The following TCF7L1 variants were observed in gnomAD, a reference collection of about 807,000 sequenced individuals.
TCF7L1 encodes transcription factor 7 like 1.
In TCF7L1, 18 loss-of-function variants were observed where a neutral mutation model predicts 63.7. That is an observed-to-expected ratio of 0.28 (90% CI 0.20 to 0.42). The LOEUF (loss-of-function observed/expected upper bound fraction) is 0.42, where lower values mean the gene tolerates loss of function less well. Among genes scored for constraint, TCF7L1 ranks in the 10% least tolerant of loss-of-function variants. The probability of loss-of-function intolerance (pLI) is 1.00; values close to 1 mark genes in which losing one functional copy is unlikely to be tolerated. For synonymous variants in TCF7L1, 355 were observed against 340.9 expected (o/e 1.04, Z -0.46); for missense variants, 654 against 779.3 (o/e 0.84, Z 1.91).
intron 3 of TCF7L1, among the ~76,000 whole-genome samples, chr2:85,162,233 C>T (rs1032232672): frequency 1.3e-5 from 2 of 151,908 alleles, no homozygotes; most frequent in Non-Finnish European, 2.9e-5. Context: ...AGACCCTTCT[C>T]TCTCAAAAAA....
Position 85,134,600 on chromosome 2 carries a change from A to T in TCF7L1, c.441+150A>T. ...GAGTTGAACTACTCTCTGGCGGCCG[A>T]GCGCGAGGCTGCGCTGGCCAGTGCC... On this transcript the variant is annotated intron_variant, in intron 3 of 11. Transcript: ENST00000282111. The surrounding 1 kb of genome is among the most constrained non-coding windows in gnomAD (Gnocchi z 5.0). 9.8e-7 allele frequency: 1 copy of T among 1,020,558 alleles called. No individual in the cohort carries two copies. The highest frequency in any genetic ancestry group is 1.4e-6 in the Non-Finnish European group (1 of 732,622). The allele number at this position is 1,020,558 out of a possible 1,614,324, so 63.2% of individuals were successfully genotyped here.
intron 3 of TCF7L1, among the ~76,000 whole-genome samples, chr2:85,146,493 C>G (rs1363383018): frequency 2.9e-4 from 37 of 129,188 alleles, no homozygotes; most frequent in Non-Finnish European, 5.1e-4. Flanking sequence ...TCTTTTCTTT[C>G]TTTCTTTTTT....
At chr2:85,269,426 A>T (rs565465103) in intron 3 of TCF7L1, among the ~76,000 whole-genome samples, 33 of 152,360 alleles carry the variant, frequency 2.2e-4, no homozygotes, top group Non-Finnish European at 3.1e-4. Flanking sequence ...ATACACATAC[A>T]TAAAAAATAC....
chr2:85,239,788 C>CA (rs1292434543), intron 3 of TCF7L1, among the ~76,000 whole-genome samples: 2 of 151,548 alleles, frequency 1.3e-5, no homozygotes, highest in Middle Eastern at 3.2e-3. Context: ...ACTAAAAATA[C>CA]AAAAAATTTA....
intron 4 of TCF7L1, among the ~76,000 whole-genome samples, chr2:85,297,344 C>G (rs1681855408): frequency 6.6e-6 from 1 of 152,174 alleles, no homozygotes; most frequent in Non-Finnish European, 1.5e-5. Flanking sequence ...ACACCACTTT[C>G]AGGAGCTCAG....
At chr2:85,283,696 T>A in intron 4 of TCF7L1, 118 bp downstream of exon 4, 1 of 1,089,366 alleles carries the variant, frequency 9.2e-7, no homozygotes, top group Non-Finnish European at 1.4e-6. Flanking sequence ...CTCAAATGTG[T>A]GAGTACAGTG....
intron 4 of TCF7L1, among the ~76,000 whole-genome samples, chr2:85,298,090 T>C (rs1272046021): frequency 1.4e-5 from 2 of 145,242 alleles, no homozygotes; most frequent in African/African-American, 5.2e-5. Context: ...CCCGAGTAGC[T>C]GGGATTATAG....
chr2:85,182,964 G>T (rs547146826), intron 3 of TCF7L1, among the ~76,000 whole-genome samples: 1 of 152,282 alleles, frequency 6.6e-6, no homozygotes, highest in African/African-American at 2.4e-5. Context: ...GGTCCAGGGA[G>T]CGCACTGAGA....
intron 4 of TCF7L1, among the ~76,000 whole-genome samples, chr2:85,288,248 C>A (rs569358944): frequency 6.6e-5 from 10 of 152,254 alleles, no homozygotes; most frequent in African/African-American, 2.4e-4. Flanking sequence ...TCTAATCCCC[C>A]AAGGATATGA....
At chr2:85,168,420 G>A (rs184340201) in intron 3 of TCF7L1, among the ~76,000 whole-genome samples, 2,350 of 152,244 alleles carry the variant, frequency 0.015, 68 homozygotes, top group African/African-American at 0.05. Flanking sequence ...AGTGAAGATG[G>A]AGAAGGAGGG....
chr2:85,133,753 C>T lies in TCF7L1; in HGVS notation c.69C>T (p.Ala23=). 2 of 1,237,056 alleles carry T rather than the reference C, an allele frequency of 1.6e-6. No individual in the cohort carries two copies. Among genetic ancestry groups the T allele is most frequent in the Non-Finnish European group, 2.0e-6 (2 of 990,370 alleles). The allele number at this position is 1,237,056 out of a possible 1,614,324, so 76.6% of individuals were successfully genotyped here. A position where few individuals can be genotyped will look rare whatever the true frequency, so the allele number is the denominator to read the frequency against. The change falls in exon 1 of 12, where the codon GCC becomes GCT. Residue 23 remains alanine (A), a synonymous_variant. Coordinates refer to ENST00000282111, the MANE Select transcript of TCF7L1 (RefSeq NM_031283.3). This position sits in a 1 kb window ranked among gnomAD's most constrained non-coding sequence, Gnocchi z 4.4. The stretch of plus-strand genomic sequence containing the variant: ...GCGGGGGAGGCGGCGGCTCCAGCGC[C>T]GGGGCGGCCGGCGGAGGGGACGACC... The part of the protein sequence containing the change: ...GGSGGGGGSS[A]GAAGGGDDLG...
chr2:85,226,755 C>T (rs968002120), intron 3 of TCF7L1, among the ~76,000 whole-genome samples: 2 of 152,080 alleles, frequency 1.3e-5, no homozygotes, highest in African/African-American at 4.8e-5. Context: ...GTTTTCCAGC[C>T]TGGATCACTG....
intron 3 of TCF7L1, among the ~76,000 whole-genome samples, chr2:85,142,503 C>CA (rs1677768680): frequency 6.7e-6 from 1 of 149,356 alleles, no homozygotes; most frequent in Admixed American, 6.7e-5. Flanking sequence ...TATATACACA[C>CA]ACACACAACA....
chr2:85,259,579 G>A (rs76273648), intron 3 of TCF7L1, among the ~76,000 whole-genome samples: 2,059 of 152,308 alleles, frequency 0.014, 20 homozygotes, highest in Non-Finnish European at 0.02. Flanking sequence ...GTTTACTATT[G>A]AAGATTGTGT....
chr2:85,220,213 A>G (rs1258324254), intron 3 of TCF7L1, among the ~76,000 whole-genome samples: 1 of 152,152 alleles, frequency 6.6e-6, no homozygotes, highest in Non-Finnish European at 1.5e-5. Flanking sequence ...TAAATGAATG[A>G]CAGATCGGAT....
chr2:85,224,411 TAA>T (rs1679912838), intron 3 of TCF7L1, among the ~76,000 whole-genome samples: 1 of 152,266 alleles, frequency 6.6e-6, no homozygotes, highest in African/African-American at 2.4e-5. Flanking sequence ...ACCAACAATG[TAA>T]AAGTGTTCCT....
At chr2:85,202,583 T>G (rs1174706534) in intron 3 of TCF7L1, among the ~76,000 whole-genome samples, 1 of 152,234 alleles carries the variant, frequency 6.6e-6, no homozygotes, top group African/African-American at 2.4e-5. Context: ...TTTCAGTTCT[T>G]AGAGGTCTTT....
chr2:85,259,546 C>T (rs1680810561), intron 3 of TCF7L1, among the ~76,000 whole-genome samples: 1 of 152,190 alleles, frequency 6.6e-6, no homozygotes, highest in Admixed American at 6.5e-5. Context: ...CTTCTCTAGG[C>T]CTTGCCCTCA....
At chr2:85,254,425 C>G (rs1378589614) in intron 3 of TCF7L1, among the ~76,000 whole-genome samples, 3 of 152,268 alleles carry the variant, frequency 2.0e-5, no homozygotes, top group African/African-American at 4.8e-5. Context: ...CCTTGTAGGT[C>G]AGTGGTGCTT....
Sources: allele counts gnomAD v4.1 joint callset (sites outside exome capture counted in the v4.1 genomes callset), GRCh38; gene constraint gnomAD v4.1.1; non-coding constraint Gnocchi (gnomAD v3.1); transcripts MANE v1.5; gene names NCBI Gene and HGNC (gene_info 2026-07-23, HGNC 2026-07-21).